The following AARD variants were observed in gnomAD, a reference collection of about 807,000 sequenced individuals.
AARD encodes the protein alanine and arginine rich domain containing protein, also known as alanine- and arginine-rich domain-containing protein.
Under a neutral mutation model 9.3 loss-of-function variants are expected in AARD, and 9 were observed. The observed-to-expected ratio is 0.97, with a 90% confidence interval of 0.58 to 1.69. The LOEUF (loss-of-function observed/expected upper bound fraction) is 1.69, where lower values mean the gene tolerates loss of function less well. Among genes scored for constraint, AARD ranks in the 40% most tolerant of loss-of-function variants. AARD has a pLI of 0.00. For missense variants in AARD, 236 were observed against 210.3 expected (o/e 1.12, Z -0.76); for synonymous variants, 91 against 93.8 (o/e 0.97, Z 0.17).
rs1813769663 is a variant in AARD at position 116,943,405 on chromosome 8, C to G, written c.*704C>G. On this transcript the variant is annotated 3_prime_UTR_variant, in exon 2 of 2. Coordinates refer to ENST00000378279, the MANE Select transcript of AARD (RefSeq NM_001025357.3). ...ACTTGATTATTCTCAGTTTGTCTGT[C>G]CAGCAGCCTGCCCTGCTTCTTGTGG... 1 of 152,222 alleles carries G rather than the reference C, an allele frequency of 6.6e-6. No homozygotes were observed. Among genetic ancestry groups the G allele is most frequent in the African/African-American group, 2.4e-5 (1 of 41,446 alleles). The allele number at this position is 152,222 out of a possible 1,614,324, so 9.4% of individuals were successfully genotyped here.
chr8:116,938,819 G>C (rs1813710716), intron 1 of AARD: 1 of 491,380 alleles, frequency 2.0e-6, no homozygotes, highest in Middle Eastern at 5.2e-4. Context: ...TCCCCAACCC[G>C]TTTCTATAGT....
In AARD at chr8:116,938,286, C is replaced by T; in HGVS notation, c.43C>T (p.Gln15Ter). The stretch of plus-strand genomic sequence containing the variant: ...CCGCCGCTGCAGAGAGAGAATTTCC[C>T]AGGGGCTCCAGGGACTCCCAGGTAG... ...DFRRCRERIS[Q>*]GLQGLPGRAE... The change falls in exon 1 of 2, where the codon CAG becomes TAG. Residue 15 changes from glutamine to a stop codon, truncating the protein, a stop_gained. Coordinates refer to ENST00000378279, the MANE Select transcript of AARD (RefSeq NM_001025357.3). LOFTEE classifies it high-confidence loss of function. 6.2e-7 allele frequency: 1 copy of T among 1,607,678 alleles called. No individual in the cohort carries two copies.
At chr8:116,938,678 C>T (rs1361969565) in intron 1 of AARD, 111 bp downstream of exon 1, 2 of 1,324,026 alleles carry the variant, frequency 1.5e-6, no homozygotes, top group Non-Finnish European at 9.7e-7. Flanking sequence ...GGGGGCCCCT[C>T]AGGTCTGGAC....
At chr8:116,942,278 A>G (rs559280399) in intron 1 of AARD, among the ~76,000 whole-genome samples, 88 of 152,210 alleles carry the variant, frequency 5.8e-4, no homozygotes, top group African/African-American at 2.1e-3. Context: ...GTGCATAGGT[A>G]TTTTTCATAT....
rs765753582 is a variant in AARD, at chr8:116,938,389, C to T, written c.146C>T (p.Ala49Val). The T allele has an allele frequency of 3.7e-6, 6 of 1,612,410 alleles. No homozygotes were observed. Among genetic ancestry groups the T allele is most frequent in the Non-Finnish European group, 5.1e-6 (6 of 1,179,808 alleles). Reference protein sequence around the residue: ...DGRSTDIQEEALAASPLLEDL... With the variant: ...DGRSTDIQEEVLAASPLLEDL... The stretch of plus-strand genomic sequence containing the variant: ...AGGAGCACGGACATCCAGGAGGAGG[C>T]CCTCGCCGCCAGCCCGCTGCTGGAG... The change falls in exon 1 of 2, where the codon GCC becomes GTC. Residue 49 changes from alanine to valine, a missense_variant. Physicochemically the swap from Ala to Val is moderately conservative, Grantham distance 64. Coordinates refer to ENST00000378279, the MANE Select transcript of AARD (RefSeq NM_001025357.3).
chr8:116,942,637 A>T lies in AARD; in HGVS notation c.404A>T (p.Glu135Val). Reference protein sequence around the residue: ...LNMKVQQLKKEYELEITSDSQ... With the variant: ...LNMKVQQLKKVYELEITSDSQ... ...ATGAAAGTGCAGCAATTGAAAAAGG[A>T]GTATGAACTGGAAATTACATCAGAC... The change falls in exon 2 of 2, where the codon GAG (glutamate) becomes GTG (valine). Residue 135 changes from glutamate (E) to valine (V), a missense_variant. Physicochemically the swap from Glu to Val is moderately radical, Grantham distance 121. Transcript: ENST00000378279. The T allele has an allele frequency of 6.2e-7, 1 of 1,614,076 alleles. No homozygotes were observed. Among genetic ancestry groups the T allele is most frequent in the Non-Finnish European group, 8.5e-7 (1 of 1,180,008 alleles).
intron 1 of AARD, 163 bp downstream of exon 1, chr8:116,938,730 A>G: frequency 9.3e-7 from 1 of 1,076,182 alleles, no homozygotes; most frequent in African/African-American, 1.7e-5. Context: ...GTTGGGAAGG[A>G]AAAGGGCCCT....
In AARD at chr8:116,943,539, G is replaced by T. The variant is rs553607151; in HGVS notation, c.*838G>T. 1 of 152,330 alleles carries T rather than the reference G, an allele frequency of 6.6e-6. No homozygotes were observed. The highest frequency in any genetic ancestry group is 2.4e-5 in the African/African-American group (1 of 41,554). 9.4% of individuals were successfully genotyped at this position (152,330 alleles called of 1,614,324 possible). A position where few individuals can be genotyped will look rare whatever the true frequency, so the allele number is the denominator to read the frequency against. On this transcript the variant is annotated 3_prime_UTR_variant, in exon 2 of 2. Transcript: ENST00000378279. ...CAGCTCAAGGCAGGCAGATGGGTTT[G>T]TCCTTAGGATTTTTGAATGGGCACT...
Position 116,938,556 on chromosome 8 carries a change from C to T in AARD, c.313C>T (p.Arg105Trp), listed in dbSNP as rs1293165731. The T allele has an allele frequency of 3.5e-6, 5 of 1,434,270 alleles. No homozygotes were observed. The highest frequency in any genetic ancestry group is 2.8e-5 in the East Asian group (1 of 35,966). The allele number at this position is 1,434,270 out of a possible 1,614,324, so 88.8% of individuals were successfully genotyped here. Residue 105 changes from arginine (R) to tryptophan (W), a missense_variant, in exon 1 of 2, where the codon CGG (arginine) becomes TGG (tryptophan). Physicochemically the swap from Arg to Trp is moderately radical, Grantham distance 101. Coordinates refer to ENST00000378279, the MANE Select transcript of AARD (RefSeq NM_001025357.3). ...TGVEATLARL[R>W]AELVEMHFQN... is the part of the protein sequence containing the mutation. Reference sequence around the variant, plus strand: ...CGTTGAGGCCACCCTGGCCAGGCTGCGGGCGGAGCTGGTGAGAGAGCGGGC... The same window carrying T: ...CGTTGAGGCCACCCTGGCCAGGCTGTGGGCGGAGCTGGTGAGAGAGCGGGC...
intron 1 of AARD, among the ~76,000 whole-genome samples, chr8:116,939,888 T>C (rs1813725149): frequency 6.6e-6 from 1 of 152,222 alleles, no homozygotes; most frequent in Admixed American, 6.5e-5. Context: ...CTCTGCATTG[T>C]AGTCTTGGGA....
At position 116,942,611 on chromosome 8, in the gene AARD, C is replaced by T. The variant is rs1228128090; in HGVS notation, c.378C>T (p.Asn126=). ...HQLARTLLDL[N]MKVQQLKKEY... ...TGGCTAGAACTTTACTGGACCTAAA[C>T]ATGAAAGTGCAGCAATTGAAAAAGG... is the stretch of plus-strand genomic sequence containing the variant. Residue 126 remains asparagine, a synonymous_variant, in exon 2 of 2, where the codon AAC becomes AAT. Transcript: ENST00000378279. 3 of 1,613,842 alleles carry T rather than the reference C, an allele frequency of 1.9e-6. No individual in the cohort carries two copies. The highest frequency in any genetic ancestry group is 2.2e-5 in the South Asian group (2 of 91,064).
At chr8:116,938,882 G>A (rs1285491793) in intron 1 of AARD, among the ~76,000 whole-genome samples, 1 of 152,200 alleles carries the variant, frequency 6.6e-6, no homozygotes, top group African/African-American at 2.4e-5. Context: ...CGCGGAGGAG[G>A]AAATTTCCAT....
chr8:116,942,523 G>A (rs765933190), intron 1 of AARD, 35 bp from the exon 2 acceptor site: 22 of 1,556,238 alleles, frequency 1.4e-5, no homozygotes, highest in Non-Finnish European at 1.9e-5. Flanking sequence ...CTGCATCTCA[G>A]GCTAATAAAA....
rs1813776819 is a variant in AARD, at chr8:116,943,908, C to G, written c.*1207C>G. On this transcript the variant is annotated 3_prime_UTR_variant, in exon 2 of 2. Transcript: ENST00000378279. ...TTCAGTTTTAGGAGTTAAAATGGTT[C>G]TTACTGTTGAATTGGACTATCTAAC... The G allele has an allele frequency of 1.3e-5, 2 of 152,104 alleles. No homozygotes were observed. Among genetic ancestry groups the G allele is most frequent in the African/African-American group, 4.8e-5 (2 of 41,406 alleles). 9.4% of individuals were successfully genotyped at this position (152,104 alleles called of 1,614,324 possible).
Position 116,942,801 on chromosome 8 carries a change from C to A in AARD, c.*100C>A, listed in dbSNP as rs542043329. The A allele has an allele frequency of 5.0e-4, 613 of 1,224,552 alleles. 8 individuals are homozygous for A. In the South Asian group the frequency reaches 8.0e-3, roughly 16 times the overall value. The allele number at this position is 1,224,552 out of a possible 1,614,324, so 75.9% of individuals were successfully genotyped here. ...GGATCAAGACGTCAGGAGATTGAGA[C>A]CATCCTGGCTAACACTGTGAAACCC... On this transcript the variant is annotated 3_prime_UTR_variant, in exon 2 of 2. Coordinates refer to ENST00000378279, the MANE Select transcript of AARD (RefSeq NM_001025357.3).
At chr8:116,941,175 C>T (rs910288702) in intron 1 of AARD, among the ~76,000 whole-genome samples, 2 of 152,174 alleles carry the variant, frequency 1.3e-5, no homozygotes, top group African/African-American at 4.8e-5. Flanking sequence ...TCATCAGTCT[C>T]GTCTGGTCAG....
intron 1 of AARD, among the ~76,000 whole-genome samples, chr8:116,940,035 A>C (rs1813726521): frequency 6.6e-6 from 1 of 152,222 alleles, no homozygotes; most frequent in Non-Finnish European, 1.5e-5. Flanking sequence ...GACAAGCAAT[A>C]TGTTGGGGGT....
At position 116,942,629 on chromosome 8, in the gene AARD, G is replaced by C. The variant is rs190877215; in HGVS notation, c.396G>C (p.Leu132Phe). 6.2e-7 allele frequency: 1 copy of C among 1,613,880 alleles called. No homozygotes were observed. Among genetic ancestry groups the C allele is most frequent in the East Asian group, 2.2e-5 (1 of 44,874 alleles). Reference sequence around the variant, plus strand: ...ACCTAAACATGAAAGTGCAGCAATTGAAAAAGGAGTATGAACTGGAAATTA... The same window carrying C: ...ACCTAAACATGAAAGTGCAGCAATTCAAAAAGGAGTATGAACTGGAAATTA... ...LLDLNMKVQQ[L>F]KKEYELEITS... is the part of the protein sequence containing the mutation. The change falls in exon 2 of 2, where the codon TTG becomes TTC. Residue 132 changes from leucine to phenylalanine, a missense_variant. Leu to Phe is a conservative substitution (Grantham distance 22). Coordinates refer to ENST00000378279, the MANE Select transcript of AARD (RefSeq NM_001025357.3).
At position 116,942,621 on chromosome 8, in the gene AARD, C is replaced by A. The variant is rs376499703; in HGVS notation, c.388C>A (p.Gln130Lys). The change falls in exon 2 of 2, where the codon CAG becomes AAG. Residue 130 changes from glutamine to lysine, a missense_variant. Gln to Lys is a moderately conservative substitution (Grantham distance 53, BLOSUM62 1). Coordinates refer to ENST00000378279, the MANE Select transcript of AARD (RefSeq NM_001025357.3). ...RTLLDLNMKV[Q>K]QLKKEYELEI... ...TTTACTGGACCTAAACATGAAAGTG[C>A]AGCAATTGAAAAAGGAGTATGAACT... The A allele has an allele frequency of 1.6e-5, 26 of 1,613,808 alleles. No homozygotes were observed. In the African/African-American group the frequency reaches 3.2e-4, roughly 20 times the overall value.
Sources: gnomAD v4.1 joint callset for allele counts (sites outside exome capture counted in the v4.1 genomes callset) on GRCh38, gnomAD v4.1.1 for gene constraint, MANE v1.5 for transcripts, NCBI Gene and HGNC (gene_info 2026-07-23, HGNC 2026-07-21) for gene names.